Variants in LMNTD1 observed in about 807,000 individuals in gnomAD.
The protein encoded by LMNTD1 is lamin tail domain containing 1.
A neutral mutation model predicts 50.9 loss-of-function variants in LMNTD1; 35 were observed. The observed-to-expected ratio is 0.69, with a 90% CI of 0.53 to 0.91. LMNTD1 has a LOEUF of 0.91. Ranked by LOEUF, LMNTD1 falls within the 40% of genes least tolerant of loss-of-function variation. The probability of loss-of-function intolerance (pLI) is 0.00; values close to 1 mark genes in which losing one functional copy is unlikely to be tolerated. For missense variants in LMNTD1, 470 were observed against 475.5 expected, an observed-to-expected ratio of 0.99 and a Z score of 0.11; for synonymous variants, 153 against 161.9, an observed-to-expected ratio of 0.94 and a Z score of 0.42.
intron 1 of LMNTD1, among the ~76,000 whole-genome samples, chr12:25,589,466 G>A (rs1287580570): frequency 6.6e-6 from 1 of 152,160 alleles, no homozygotes; most frequent in East Asian, 1.9e-4. Flanking sequence ...TAGGGGCTGG[G>A]ATTGGGGATG....
At chr12:25,537,789 C>T (rs1423543650) in intron 4 of LMNTD1, among the ~76,000 whole-genome samples, 1 of 152,044 alleles carries the variant, frequency 6.6e-6, no homozygotes, top group Non-Finnish European at 1.5e-5. Context: ...TATGGGAGGA[C>T]ATTCAAACCA....
At chr12:25,590,073 G>A (rs952595214) in intron 1 of LMNTD1, among the ~76,000 whole-genome samples, 8 of 152,036 alleles carry the variant, frequency 5.3e-5, no homozygotes, top group Non-Finnish European at 8.8e-5. Flanking sequence ...CACAAAAGAA[G>A]CACCTCTATA....
intron 9 of LMNTD1, among the ~76,000 whole-genome samples, chr12:25,476,689 G>C (rs926010713): frequency 6.6e-6 from 1 of 152,130 alleles, no homozygotes; most frequent in Admixed American, 6.5e-5. Context: ...GAGAGCTCTA[G>C]ACTAAAGGAT....
chr12:25,604,101 A>G (rs971219047), intron 1 of LMNTD1, among the ~76,000 whole-genome samples: 3 of 152,108 alleles, frequency 2.0e-5, no homozygotes, highest in African/African-American at 7.2e-5. Flanking sequence ...TCTAGTTTAA[A>G]TGGTCACCTC....
upstream of LMNTD1, among the ~76,000 whole-genome samples, chr12:25,558,018 T>C (rs73078323): frequency 0.11 from 16,385 of 152,248 alleles, 1,040 homozygotes; most frequent in East Asian, 0.19. Flanking sequence ...GATTCTCTAG[T>C]TTATGGAACA....
chr12:25,488,838 C>T (rs1437035289), intron 9 of LMNTD1, among the ~76,000 whole-genome samples: 1 of 152,062 alleles, frequency 6.6e-6, no homozygotes, highest in Non-Finnish European at 1.5e-5. Flanking sequence ...GTTTGTTTTC[C>T]TTCTAACAGA....
chr12:25,540,824 AC>A (rs1943014340), intron 4 of LMNTD1, among the ~76,000 whole-genome samples: 1 of 115,518 alleles, frequency 8.7e-6, no homozygotes, highest in South Asian at 3.0e-4. Context: ...TATCTAGAAA[AC>A]CCCATTGTCT....
chr12:25,505,462 T>A (rs576898884), intron 8 of LMNTD1, among the ~76,000 whole-genome samples: 19 of 152,292 alleles, frequency 1.2e-4, no homozygotes, highest in African/African-American at 4.1e-4. Context: ...TAAAGAAACG[T>A]TTATTTCAAT....
intron 9 of LMNTD1, among the ~76,000 whole-genome samples, chr12:25,481,870 C>CACACACAA (rs1360141190): frequency 8.3e-6 from 1 of 120,950 alleles, no homozygotes; most frequent in Admixed American, 7.8e-5. Context: ...CCTCTTCACA[C>CACACACAA]ACACACACAC....
chr12:25,554,191 A>T (rs1185413405), upstream of LMNTD1, among the ~76,000 whole-genome samples: 2 of 152,240 alleles, frequency 1.3e-5, no homozygotes, highest in Admixed American at 6.5e-5. Flanking sequence ...ATTTTTACTT[A>T]CGCTTAGTAA....
intron 1 of LMNTD1, among the ~76,000 whole-genome samples, chr12:25,575,697 T>TA (rs369330594): frequency 1.3e-5 from 2 of 151,694 alleles, no homozygotes; most frequent in East Asian, 3.9e-4. Context: ...TTCTTTTTTT[T>TA]TATAATTATA....
chr12:25,517,883 G>A (rs1740714827), intron 8 of LMNTD1, among the ~76,000 whole-genome samples: 1 of 151,956 alleles, frequency 6.6e-6, no homozygotes, highest in South Asian at 2.1e-4. Flanking sequence ...CACAATGGTT[G>A]TCATATTGTT....
intron 1 of LMNTD1, among the ~76,000 whole-genome samples, chr12:25,638,792 C>G (rs983754780): frequency 6.6e-6 from 1 of 152,160 alleles, no homozygotes; most frequent in East Asian, 1.9e-4. Context: ...ATTCCAACTG[C>G]CTTTTTCTTT....
intron 9 of LMNTD1, among the ~76,000 whole-genome samples, chr12:25,489,740 C>G (rs895600593): frequency 1.3e-5 from 2 of 151,972 alleles, no homozygotes; most frequent in South Asian, 2.1e-4. Context: ...CAAAAGAAAA[C>G]CTGGTGATAT....
At chr12:25,567,679 C>A (rs1373907546) in intron 1 of LMNTD1, among the ~76,000 whole-genome samples, 2 of 151,858 alleles carry the variant, frequency 1.3e-5, no homozygotes, top group Non-Finnish European at 2.9e-5. Context: ...GAGTGTGGCA[C>A]CTCCTCCCTT....
intron 4 of LMNTD1, among the ~76,000 whole-genome samples, chr12:25,527,681 T>TATATATATACACACAC (rs1463259109): frequency 1.2e-4 from 4 of 32,336 alleles, no homozygotes; most frequent in Non-Finnish European, 2.3e-4. Context: ...TATATATATA[T>TATATATATACACACAC]ACACACACAC....
intron 1 of LMNTD1, among the ~76,000 whole-genome samples, chr12:25,576,859 G>A (rs866875): frequency 0.94 from 143,156 of 151,880 alleles, 68,055 homozygotes; most frequent in East Asian, 1. Flanking sequence ...ATCTTGAATT[G>A]ATTTTTGTAT....
At chr12:25,483,167 A>C (rs1280396137) in intron 9 of LMNTD1, among the ~76,000 whole-genome samples, 1 of 150,902 alleles carries the variant, frequency 6.6e-6, no homozygotes, top group Non-Finnish European at 1.5e-5. Context: ...GCTCATGCCT[A>C]TAATCTCAGC....
intron 1 of LMNTD1, among the ~76,000 whole-genome samples, chr12:25,597,988 G>C (rs1298701649): frequency 1.3e-5 from 2 of 152,082 alleles, no homozygotes; most frequent in Non-Finnish European, 2.9e-5. Flanking sequence ...TTCCCATGCT[G>C]TTCTTGTCAT....
Sources: allele counts gnomAD v4.1 joint callset (sites outside exome capture counted in the v4.1 genomes callset), GRCh38; gene constraint gnomAD v4.1.1; transcripts MANE v1.5; gene names NCBI Gene and HGNC (gene_info 2026-07-23, HGNC 2026-07-21).